NLRC5: variants seen among roughly 807,000 people sequenced by gnomAD.
The protein encoded by NLRC5 is protein NLRC5.
Under a neutral mutation model 206.9 loss-of-function variants are expected in NLRC5, and 114 were observed. The ratio of observed to expected loss-of-function variants is 0.55; its 90% CI spans 0.47 to 0.64. NLRC5 has a LOEUF of 0.64. Among genes scored for constraint, NLRC5 ranks in the 30% least tolerant of loss-of-function variants. NLRC5 has a pLI of 0.00. For synonymous variants in NLRC5, 952 were observed against 962.8 expected (o/e 0.99, Z 0.21); for missense variants, 2,008 against 2,305.5 (o/e 0.87, Z 2.64).
At position 57,042,011 on chromosome 16, in the gene NLRC5, G is replaced by A. The variant is rs1597320091; in HGVS notation, c.3059G>A (p.Gly1020Asp). The A allele has an allele frequency of 1.3e-6, 2 of 1,578,164 alleles. No homozygotes were observed. Residue 1020 changes from glycine to aspartate, a missense_variant, in exon 19 of 49, where the codon GGT (glycine) becomes GAT (aspartate). Transcript: ENST00000688547. ...DFSGNALGDE[G>D]AARLAQLLPG... is the part of the protein sequence containing the mutation. ...TCAGGCAATGCTCTGGGGGATGAAG[G>A]TGCAGCCCGGCTGGCTCAGCTGCTC...
At position 57,034,260 on chromosome 16, in the gene NLRC5, C is replaced by G. The variant is rs779136947; in HGVS notation, c.2627+9C>G. ...CACCTGGAGGAAGTGGAGTGAGTAT[C>G]ACGGGAAGCCCTGGCGTAGGAGCCA... On this transcript the variant is annotated intron_variant, in intron 13 of 48. Transcript: ENST00000688547. 2 of 1,612,090 alleles carry G rather than the reference C, an allele frequency of 1.2e-6. No individual in the cohort carries two copies. Among genetic ancestry groups the G allele is most frequent in the Non-Finnish European group, 1.7e-6 (2 of 1,178,512 alleles).
At chr16:57,040,758 C>G (rs949521571) in intron 17 of NLRC5, 40 bp downstream of exon 17, 1 of 1,582,436 alleles carries the variant, frequency 6.3e-7, no homozygotes, top group South Asian at 1.1e-5. Flanking sequence ...GATTCCAGCC[C>G]CCTCCCTTCC....
rs759704584 is a variant in NLRC5 at position 57,026,728 on chromosome 16, A to G, written c.1785A>G (p.Val595=). ...GTGTGGGTGCCAAGCAGGCTGCTGTAGTGCAGGTGTTGAAGAAGTTGGCCA... is the reference window on the plus strand; with the variant it reads ...GTGTGGGTGCCAAGCAGGCTGCTGTGGTGCAGGTGTTGAAGAAGTTGGCCA... ...EDCVGAKQAA[V]VQVLKKLATR... Residue 595 remains valine (V), a synonymous_variant, in exon 6 of 49, where the codon GTA becomes GTG. Coordinates refer to ENST00000688547, the MANE Select transcript of NLRC5 (RefSeq NM_001384950.1). 2 of 1,614,008 alleles carry G rather than the reference A, an allele frequency of 1.2e-6. No individual in the cohort carries two copies. The highest frequency in any genetic ancestry group is 3.3e-5 in the Admixed American group (2 of 60,032).
chr16:57,051,495 C>T, intron 23 of NLRC5, 43 bp from the exon 24 acceptor site: 2 of 1,476,792 alleles, frequency 1.4e-6, no homozygotes, highest in South Asian at 2.3e-5. Flanking sequence ...CCCTGCTTTC[C>T]TGGAAGGTTT....
At chr16:57,081,732 C>A in intron 48 of NLRC5, 122 bp downstream of exon 48, 1 of 772,080 alleles carries the variant, frequency 1.3e-6, no homozygotes, top group East Asian at 2.6e-5. Flanking sequence ...GAGACTTGGA[C>A]CACTCCACCA....
In NLRC5 at chr16:57,026,276, G is replaced by T. The variant is rs202133400; in HGVS notation, c.1333G>T (p.Ala445Ser). The T allele has an allele frequency of 3.7e-6, 6 of 1,613,988 alleles. No homozygotes were observed. The South Asian group carries it at 4.4e-5, about 12-fold the overall frequency. The change falls in exon 6 of 49, where the codon GCC (alanine) becomes TCC (serine). Residue 445 changes from alanine (A) to serine (S), a missense_variant. By Grantham distance (99) the Ala-to-Ser change is moderately conservative. Transcript: ENST00000688547. ...MTQLYMQMVL[A>S]LSPPGHLPTS... is the part of the protein sequence containing the mutation. ...TCAGCTCTATATGCAGATGGTGCTC[G>T]CCCTCAGCCCCCCTGGGCACTTGCC...
intron 26 of NLRC5, 85 bp from the exon 27 acceptor site, chr16:57,055,348 G>C: frequency 7.6e-7 from 1 of 1,308,332 alleles, no homozygotes; most frequent in Non-Finnish European, 1.1e-6. Flanking sequence ...GGAGCCCAGA[G>C]GCTGTGCCCT....
rs879578800 is a variant in NLRC5 at position 57,044,831 on chromosome 16, A to ACT, written c.3204-615_3204-614dup. Among the ~76,000 whole-genome samples, 594 of 151,652 alleles carry ACT rather than the reference A, an allele frequency of 3.9e-3. 11 individuals are homozygous for ACT. Among genetic ancestry groups the ACT allele is most frequent in the Admixed American group, 0.037 (557 of 15,222 alleles). Reference sequence around the variant, plus strand: ...AGGCTGAGGTGGGAGGATTGCTTAGACTCAGGAGATCGAGGCTACAGTGAG... The same window carrying ACT: ...AGGCTGAGGTGGGAGGATTGCTTAGACTCTCAGGAGATCGAGGCTACAGTGAG... On this transcript the variant is annotated intron_variant, in intron 20 of 48. Transcript: ENST00000688547.
chr16:57,077,401 G>C (rs1278242219), intron 41 of NLRC5, 22 bp downstream of exon 41: 2 of 1,606,810 alleles, frequency 1.2e-6, no homozygotes, highest in Non-Finnish European at 8.5e-7. Flanking sequence ...GCCCTACAGA[G>C]GAGGGCCACA....
intron 48 of NLRC5, among the ~76,000 whole-genome samples, chr16:57,081,828 C>T (rs1204467226): frequency 6.6e-6 from 1 of 152,266 alleles, no homozygotes; most frequent in Non-Finnish European, 1.5e-5. Context: ...CTCAACCTCT[C>T]TGAACCCCAA....
intron 27 of NLRC5, 134 bp from the exon 28 acceptor site, chr16:57,057,931 G>A (rs1202604598): frequency 1.4e-6 from 1 of 701,896 alleles, no homozygotes; most frequent in African/African-American, 1.7e-5. Context: ...TGATGGTGGT[G>A]ATGGTGGTGG....
At chr16:57,012,555 G>A (rs980317240) in intron 1 of NLRC5, among the ~76,000 whole-genome samples, 1 of 152,136 alleles carries the variant, frequency 6.6e-6, no homozygotes, top group Admixed American at 6.5e-5. Flanking sequence ...TCGGATCAGC[G>A]GTGCCATTAG....
At position 57,026,932 on chromosome 16, in the gene NLRC5, C is replaced by A. The variant is rs754650119; in HGVS notation, c.1989C>A (p.Ala663=). The part of the protein sequence containing the change: ...TLTNILEHRE[A]PIHLDFDGCP... ...CCAACATCCTAGAGCACAGGGAGGC[C>A]CCCATCCACCTGGATTTTGATGGCT... Residue 663 remains alanine, a synonymous_variant, in exon 6 of 49, where the codon GCC becomes GCA. Transcript: ENST00000688547. The A allele has an allele frequency of 2.8e-5, 46 of 1,614,160 alleles. No individual in the cohort carries two copies. Among genetic ancestry groups the A allele is most frequent in the Middle Eastern group, 3.3e-4 (2 of 6,062 alleles).
At chr16:57,011,080 C>T in intron 1 of NLRC5, among the ~76,000 whole-genome samples, 1 of 152,134 alleles carries the variant, frequency 6.6e-6, no homozygotes, top group Non-Finnish European at 1.5e-5. Context: ...TGCAAATACA[C>T]ACACATTTAA....
chr16:57,006,244 C>T (rs1388042689), intron 1 of NLRC5, among the ~76,000 whole-genome samples: 1 of 151,916 alleles, frequency 6.6e-6, no homozygotes, highest in Admixed American at 6.6e-5. Context: ...AGTGATCTGC[C>T]CGCCTTTGCC....
chr16:57,066,405 G>T, intron 33 of NLRC5, 129 bp from the exon 34 acceptor site: 1 of 739,438 alleles, frequency 1.4e-6, no homozygotes, highest in Non-Finnish European at 2.4e-6. Flanking sequence ...TCCTAAGCTG[G>T]TCCCTGGCAG....
At chr16:57,002,635 G>GTTT (rs1211602901) in intron 1 of NLRC5, among the ~76,000 whole-genome samples, 3 of 99,608 alleles carry the variant, frequency 3.0e-5, no homozygotes, top group African/African-American at 4.1e-5. Flanking sequence ...ATTTAGTTTA[G>GTTT]TTTTTTTTTG....
In NLRC5 at chr16:57,026,442, G is replaced by A. The variant is rs764158825; in HGVS notation, c.1499G>A (p.Cys500Tyr). ...THSLLTSFCV[C>Y]TGPGHQQTGY... The stretch of plus-strand genomic sequence containing the variant: ...AGCCTGCTGACTTCCTTCTGCGTCT[G>A]CACAGGCCCTGGGCACCAGCAGACA... The change falls in exon 6 of 49, where the codon TGC (cysteine) becomes TAC (tyrosine). Residue 500 changes from cysteine (C) to tyrosine (Y), a missense_variant. Transcript: ENST00000688547. 6.2e-7 allele frequency: 1 copy of A among 1,613,968 alleles called. No homozygotes were observed. The highest frequency in any genetic ancestry group is 8.5e-7 in the Non-Finnish European group (1 of 1,180,008).
In NLRC5 at chr16:57,061,619, C is replaced by T. The variant is rs371692802; in HGVS notation, c.4072C>T (p.Leu1358=). 6 of 1,610,102 alleles carry T rather than the reference C, an allele frequency of 3.7e-6. No homozygotes were observed. The African/African-American group carries it at 8.0e-5, about 21-fold the overall frequency. ...TCAGTGACTGACCTCTGTCTCCAGG[C>T]TGACCCAGTGCTGCCTGGGCCAGAA... ...SKSLQLTELT[L]TQCCLGQKQL... Residue 1358 remains leucine, a splice_region_variant and synonymous_variant, in exon 32 of 49, where the codon CTG becomes TTG. Coordinates refer to ENST00000688547, the MANE Select transcript of NLRC5 (RefSeq NM_001384950.1).
Sources: allele counts gnomAD v4.1 joint callset (sites outside exome capture counted in the v4.1 genomes callset), GRCh38; gene constraint gnomAD v4.1.1; transcripts MANE v1.5; gene names NCBI Gene and HGNC (gene_info 2026-07-23, HGNC 2026-07-21).